The following ACO1 variants were observed in gnomAD, a reference collection of about 807,000 sequenced individuals.
ACO1 encodes the protein aconitase 1, also known as cytoplasmic aconitate hydratase.
In ACO1, 78 loss-of-function variants were observed where a neutral mutation model predicts 105.1. The ratio of observed to expected loss-of-function variants is 0.74; its 90% confidence interval spans 0.62 to 0.90. The LOEUF (loss-of-function observed/expected upper bound fraction) is 0.90. Among genes scored for constraint, ACO1 ranks in the 40% least tolerant of loss-of-function variants. The probability of loss-of-function intolerance (pLI) is 0.00; values close to 1 mark genes in which losing one functional copy is unlikely to be tolerated. For missense variants in ACO1, 965 were observed against 1,111.1 expected (o/e 0.87, Z 1.87); for synonymous variants, 364 against 397.4 (o/e 0.92, Z 1.00).
intron 19 of ACO1, among the ~76,000 whole-genome samples, chr9:32,444,326 T>C (rs1487858678): frequency 6.6e-6 from 1 of 152,210 alleles, no homozygotes; most frequent in Non-Finnish European, 1.5e-5. Context: ...TTATAATCCT[T>C]TGGGTATATA....
Position 32,430,558 on chromosome 9 carries a change from T to G in ACO1, c.1710T>G (p.Phe570Leu). Reference sequence around the variant, plus strand: ...TTGCTGGAACCATCAGAATCGACTTTGAGAAAGAGCCATTGGGTAAGATTT... The same window carrying G: ...TTGCTGGAACCATCAGAATCGACTTGGAGAAAGAGCCATTGGGTAAGATTT... ...YAIAGTIRID[F>L]EKEPLGVNAK... The change falls in exon 14 of 21, where the codon TTT becomes TTG. Residue 570 changes from phenylalanine to leucine, a missense_variant. Transcript: ENST00000309951. The G allele has an allele frequency of 6.2e-7, 1 of 1,605,300 alleles. No homozygotes were observed. Among genetic ancestry groups the G allele is most frequent in the East Asian group, 2.3e-5 (1 of 44,308 alleles).
intron 19 of ACO1, among the ~76,000 whole-genome samples, chr9:32,443,211 A>G (rs1057067244): frequency 4.6e-5 from 7 of 152,146 alleles, no homozygotes; most frequent in African/African-American, 1.4e-4. Context: ...AAAATTTATT[A>G]AGCCATTTTC....
At chr9:32,431,143 C>T (rs182121954) in intron 14 of ACO1, among the ~76,000 whole-genome samples, 1 of 152,256 alleles carries the variant, frequency 6.6e-6, no homozygotes, top group African/African-American at 2.4e-5. Context: ...ACCCCCAAAT[C>T]AGTATTTGTA....
intron 1 of ACO1, among the ~76,000 whole-genome samples, chr9:32,402,719 T>C (rs1821523226): frequency 6.6e-6 from 1 of 152,186 alleles, no homozygotes; most frequent in Non-Finnish European, 1.5e-5. Context: ...CAGCCAAAGA[T>C]CTTTCTTCTC....
chr9:32,442,761 T>C (rs1475122058), intron 19 of ACO1, among the ~76,000 whole-genome samples: 4 of 152,210 alleles, frequency 2.6e-5, no homozygotes, highest in Admixed American at 2.0e-4. Context: ...CCAGATACAA[T>C]GTAACTTTGC....
At chr9:32,430,686 C>A in intron 14 of ACO1, 112 bp downstream of exon 14, 2 of 1,184,540 alleles carry the variant, frequency 1.7e-6, no homozygotes, top group Non-Finnish European at 2.3e-6. Flanking sequence ...AGGGATAAGA[C>A]AAAGAAGAGA....
intron 1 of ACO1, 118 bp downstream of exon 1, chr9:32,384,853 C>T (rs951823326): frequency 1.7e-5 from 4 of 241,962 alleles, no homozygotes; most frequent in Non-Finnish European, 8.8e-6. Context: ...GCACGGGGGA[C>T]ACGGAGGCGA....
rs1195712848 is a variant in ACO1 at position 32,424,580 on chromosome 9, C to T, written c.1103C>T (p.Pro368Leu). Residue 368 changes from proline to leucine, a missense_variant, in exon 10 of 21, where the codon CCT becomes CTT. Physicochemically the swap from Pro to Leu is moderately conservative, Grantham distance 98 (BLOSUM62 -3). Coordinates refer to ENST00000309951, the MANE Select transcript of ACO1 (RefSeq NM_002197.3). ...GAATTAGATTTGAAAACAGTAGTGC[C>T]TTGCTGTAGTGGACCCAAAAGGCCT... ...VVELDLKTVV[P>L]CCSGPKRPQD... is the part of the protein sequence containing the mutation. The T allele has an allele frequency of 3.7e-6, 6 of 1,613,792 alleles. No homozygotes were observed. Among genetic ancestry groups the T allele is most frequent in the Non-Finnish European group, 5.1e-6 (6 of 1,179,838 alleles).
intron 7 of ACO1, 118 bp downstream of exon 7, chr9:32,419,295 A>G: frequency 8.8e-7 from 1 of 1,137,388 alleles, no homozygotes; most frequent in South Asian, 2.4e-5. Flanking sequence ...GCAAGGAAAC[A>G]AGGTTGATGA....
intron 1 of ACO1, among the ~76,000 whole-genome samples, chr9:32,400,539 T>C (rs1441136452): frequency 6.6e-6 from 1 of 152,202 alleles, no homozygotes; most frequent in Non-Finnish European, 1.5e-5. Context: ...CAAAGTGGAC[T>C]TTATCTGGAG....
chr9:32,418,213 G>C lies in ACO1; in HGVS notation c.474+16G>C, dbSNP rs763315403. 1 of 1,614,060 alleles carries C rather than the reference G, an allele frequency of 6.2e-7. No homozygotes were observed. The highest frequency in any genetic ancestry group is 8.5e-7 in the Non-Finnish European group (1 of 1,179,912). ...ATTTTTAAAGGTATGGGCAGGGTCT[G>C]GTTCCATTGTTTGGTTTTCTTTGTA... On this transcript the variant is annotated intron_variant, in intron 5 of 20. Transcript: ENST00000309951.
At chr9:32,428,208 C>T (rs968483396) in intron 12 of ACO1, among the ~76,000 whole-genome samples, 4 of 146,588 alleles carry the variant, frequency 2.7e-5, no homozygotes, top group Admixed American at 7.0e-5. Flanking sequence ...GGCTTGAGCC[C>T]AGGAGTTTGA....
At position 32,407,312 on chromosome 9, in the gene ACO1, G is replaced by C. The variant is rs189645733; in HGVS notation, c.149G>C (p.Cys50Ser). The C allele has an allele frequency of 2.5e-6, 4 of 1,614,136 alleles. No homozygotes were observed. The highest frequency in any genetic ancestry group is 1.3e-5 in the African/African-American group (1 of 75,028). ...CTTCTGGAAGCAGCCATTCGGAATT[G>C]TGATGAGTTTTTGGTGAAGAAACAG... Reference protein sequence around the residue: ...RVLLEAAIRNCDEFLVKKQDI... With the variant: ...RVLLEAAIRNSDEFLVKKQDI... Residue 50 changes from cysteine to serine, a missense_variant, in exon 3 of 21, where the codon TGT (cysteine) becomes TCT (serine). Physicochemically the swap from Cys to Ser is moderately radical, Grantham distance 112 (BLOSUM62 -1). Coordinates refer to ENST00000309951, the MANE Select transcript of ACO1 (RefSeq NM_002197.3).
At position 32,450,983 on chromosome 9, in the gene ACO1, C is replaced by T. The variant is rs187888730; in HGVS notation, c.*872C>T. Reference sequence around the variant, plus strand: ...CTCTATCAGAACTGTACGGGTATAACGGAAATGTTTAGGAACCATTATGCT... The same window carrying T: ...CTCTATCAGAACTGTACGGGTATAATGGAAATGTTTAGGAACCATTATGCT... On this transcript the variant is annotated 3_prime_UTR_variant, in exon 21 of 21. Transcript: ENST00000309951. 22 of 152,056 alleles carry T rather than the reference C, an allele frequency of 1.4e-4. No individual in the cohort carries two copies. The highest frequency in any genetic ancestry group is 5.1e-4 in the African/African-American group (21 of 41,498). 9.4% of individuals were successfully genotyped at this position (152,056 alleles called of 1,614,324 possible). A position where few individuals can be genotyped will look rare whatever the true frequency, so the allele number is the denominator to read the frequency against.
intron 1 of ACO1, among the ~76,000 whole-genome samples, chr9:32,390,199 C>A (rs901338563): frequency 2.0e-5 from 3 of 152,152 alleles, no homozygotes; most frequent in Admixed American, 6.5e-5. Flanking sequence ...CTTATTAGGT[C>A]TTTTAGGAAT....
intron 19 of ACO1, among the ~76,000 whole-genome samples, chr9:32,444,893 T>A (rs1435064194): frequency 1.3e-5 from 2 of 152,192 alleles, no homozygotes; most frequent in Admixed American, 6.5e-5. Context: ...TTGTCTTTGG[T>A]TCTGTTTATG....
intron 4 of ACO1, among the ~76,000 whole-genome samples, chr9:32,415,594 A>G (rs1308918725): frequency 6.6e-6 from 1 of 152,200 alleles, no homozygotes; most frequent in Admixed American, 6.5e-5. Flanking sequence ...AGCCCTCAGC[A>G]TACTATTAAG....
chr9:32,429,570 C>A, intron 13 of ACO1, 67 bp downstream of exon 13: 2 of 1,377,016 alleles, frequency 1.5e-6, no homozygotes, highest in South Asian at 1.2e-5. Context: ...GACAAAAATG[C>A]TGATATTTTC....
At position 32,405,539 on chromosome 9, in the gene ACO1, A is replaced by T. The variant is rs1821590989; in HGVS notation, c.33A>T (p.Pro11=). The T allele has an allele frequency of 6.2e-7, 1 of 1,614,122 alleles. No individual in the cohort carries two copies. Among genetic ancestry groups the T allele is most frequent in the East Asian group, 2.2e-5 (1 of 44,876 alleles). The change falls in exon 2 of 21, where the codon CCA becomes CCT. Residue 11 remains proline, a synonymous_variant. Transcript: ENST00000309951. The stretch of plus-strand genomic sequence containing the variant: ...ACCCATTCGCACACCTTGCTGAGCC[A>T]TTGGATCCTGTACAACCAGGAAAGA... MSNPFAHLAE[P]LDPVQPGKKF... is the part of the protein sequence containing the mutation.
Sources: allele counts gnomAD v4.1 joint callset (sites outside exome capture counted in the v4.1 genomes callset), GRCh38; gene constraint gnomAD v4.1.1; transcripts MANE v1.5; gene names NCBI Gene and HGNC (gene_info 2026-07-23, HGNC 2026-07-21).